SCOC: variants seen among roughly 807,000 people sequenced by gnomAD.
SCOC encodes the protein short coiled coil protein.
A neutral mutation model predicts 9.9 loss-of-function variants in SCOC; 7 were observed. That is an observed-to-expected ratio of 0.71 (90% CI 0.40 to 1.33). The LOEUF (loss-of-function observed/expected upper bound fraction) is 1.33, where lower values mean the gene tolerates loss of function less well. Ranked by LOEUF, SCOC falls within the 40% of genes most tolerant of loss-of-function variation. SCOC has a pLI of 0.01. For synonymous variants in SCOC, 19 were observed against 28.2 expected (o/e 0.67, Z 1.03); for missense variants, 66 against 89.7 (o/e 0.74, Z 1.07).
intron 1 of SCOC, among the ~76,000 whole-genome samples, chr4:140,320,436 C>A (rs1732468438): frequency 6.6e-6 from 1 of 152,184 alleles, no homozygotes; most frequent in Non-Finnish European, 1.5e-5. Context: ...ACTGCTTTCA[C>A]TTTACTGTAT....
upstream of SCOC, among the ~76,000 whole-genome samples, chr4:140,342,699 G>A (rs190825301): frequency 7.1e-4 from 108 of 152,078 alleles, no homozygotes; most frequent in South Asian, 1.5e-3. Flanking sequence ...ATTTTTTTCC[G>A]CAAAGGAGTG....
At chr4:140,362,888 T>C (rs549846309) in intron 2 of SCOC, 1 of 152,310 alleles carries the variant, frequency 6.6e-6, no homozygotes, top group South Asian at 2.1e-4. Context: ...TTAGAGGTTT[T>C]TGGGAGAAGC....
At chr4:140,281,346 G>A (rs1269845918) in intron 1 of SCOC, among the ~76,000 whole-genome samples, 1 of 151,926 alleles carries the variant, frequency 6.6e-6, no homozygotes, top group Non-Finnish European at 1.5e-5. Context: ...GTGTGCAGAA[G>A]AAGGGTTCTC....
At chr4:140,341,889 G>T (rs1347964360), upstream of SCOC, among the ~76,000 whole-genome samples, 1 of 152,168 alleles carries the variant, frequency 6.6e-6, no homozygotes, top group Admixed American at 6.5e-5. Flanking sequence ...AGTATTCTTT[G>T]ACATCTTTGT....
chr4:140,259,521 T>C (rs34833292), intron 1 of SCOC, among the ~76,000 whole-genome samples: 39,439 of 151,876 alleles, frequency 0.26, 8,095 homozygotes, highest in African/African-American at 0.56. Flanking sequence ...GCTTTGGGAG[T>C]GCAGTCAAGG....
chr4:140,262,786 G>A (rs1241910021), intron 1 of SCOC, among the ~76,000 whole-genome samples: 1 of 151,940 alleles, frequency 6.6e-6, no homozygotes, highest in Non-Finnish European at 1.5e-5. Context: ...GGGGCGAAGG[G>A]GAAGCAAGAA....
chr4:140,346,003 G>A (rs750574420), intron 2 of SCOC, among the ~76,000 whole-genome samples: 1 of 152,164 alleles, frequency 6.6e-6, no homozygotes, highest in African/African-American at 2.4e-5. Context: ...CATTACAGAT[G>A]ATAAAACTGT....
At chr4:140,362,299 C>CTTCTTCTTTTTT (rs367795160) in intron 2 of SCOC, among the ~76,000 whole-genome samples, 1 of 38,348 alleles carries the variant, frequency 2.6e-5, no homozygotes, top group Non-Finnish European at 6.8e-5. Context: ...TCTTCTTCTT[C>CTTCTTCTTTTTT]TTTTTTTTTT....
intron 1 of SCOC, among the ~76,000 whole-genome samples, chr4:140,278,984 A>G (rs1044753039): frequency 5.9e-5 from 9 of 151,860 alleles, no homozygotes; most frequent in African/African-American, 1.9e-4. Context: ...AAGATTCTTA[A>G]TATGCTCCTC....
intron 1 of SCOC, among the ~76,000 whole-genome samples, chr4:140,328,306 C>T (rs796611778): frequency 8.5e-5 from 13 of 152,234 alleles, no homozygotes; most frequent in African/African-American, 3.1e-4. Flanking sequence ...GCATACAACA[C>T]TCAGTGTTTT....
intron 2 of SCOC, among the ~76,000 whole-genome samples, chr4:140,347,873 A>G (rs180754830): frequency 1.1e-4 from 16 of 152,200 alleles, no homozygotes; most frequent in Non-Finnish European, 1.6e-4. Flanking sequence ...ATGGCATCTC[A>G]AGGTTAATTC....
chr4:140,337,264 T>C (rs1030960086), intron 1 of SCOC, among the ~76,000 whole-genome samples: 7 of 152,202 alleles, frequency 4.6e-5, no homozygotes, highest in African/African-American at 1.7e-4. Context: ...TTATCTATTT[T>C]TTCTTTTGTT....
intron 1 of SCOC, among the ~76,000 whole-genome samples, chr4:140,261,048 C>G (rs1309683062): frequency 6.6e-6 from 1 of 152,168 alleles, no homozygotes; most frequent in African/African-American, 2.4e-5. Flanking sequence ...GGCATCATAG[C>G]TATCAAGATG....
chr4:140,276,503 G>T (rs571567177), intron 1 of SCOC, among the ~76,000 whole-genome samples: 1 of 151,872 alleles, frequency 6.6e-6, no homozygotes, highest in Non-Finnish European at 1.5e-5. Flanking sequence ...TCACTCTGTC[G>T]CTTAGGCTGG....
At chr4:140,367,948 T>C (rs902154368) in intron 2 of SCOC, among the ~76,000 whole-genome samples, 4 of 152,210 alleles carry the variant, frequency 2.6e-5, no homozygotes, top group African/African-American at 7.2e-5. Context: ...TGTTGTTTGA[T>C]AAAGTTCTTA....
intron 1 of SCOC, among the ~76,000 whole-genome samples, chr4:140,287,195 A>G (rs952389672): frequency 6.6e-6 from 1 of 151,866 alleles, no homozygotes; most frequent in Non-Finnish European, 1.5e-5. Context: ...TGCTACACAC[A>G]CACATCATGT....
chr4:140,269,297 A>G (rs191071281), intron 1 of SCOC, among the ~76,000 whole-genome samples: 8 of 152,330 alleles, frequency 5.3e-5, no homozygotes, highest in African/African-American at 1.9e-4. Flanking sequence ...CCAATAGTGT[A>G]CAGTGAAAGT....
intron 1 of SCOC, chr4:140,291,375 C>A (rs1731466352): frequency 2.2e-6 from 1 of 456,384 alleles, no homozygotes; most frequent in Non-Finnish European, 4.4e-6. Context: ...CCGCCTGGCT[C>A]TTCATATACC....
chr4:140,308,957 T>C (rs973329889), intron 1 of SCOC, among the ~76,000 whole-genome samples: 3 of 152,172 alleles, frequency 2.0e-5, no homozygotes, highest in Non-Finnish European at 4.4e-5. Context: ...CCCAGTGTTT[T>C]TGCTCACGCC....
Sources: allele counts gnomAD v4.1 joint callset (sites outside exome capture counted in the v4.1 genomes callset), GRCh38; gene constraint gnomAD v4.1.1; transcripts MANE v1.5; gene names NCBI Gene and HGNC (gene_info 2026-07-23, HGNC 2026-07-21).